GPHN: variants seen among roughly 807,000 people sequenced by gnomAD.
GPHN encodes the protein gephyrin.
In GPHN, 17 loss-of-function variants were observed where a neutral mutation model predicts 95.5. That is an observed-to-expected ratio of 0.18 (90% CI 0.12 to 0.27). The LOEUF is 0.27. Ranked by LOEUF, GPHN falls within the 10% of genes least tolerant of loss-of-function variation. GPHN has a pLI of 1.00. For synonymous variants in GPHN, 320 were observed against 322.5 expected (o/e 0.99, Z 0.08); for missense variants, 660 against 978.1 (o/e 0.67, Z 4.34).
chr14:67,530,557 C>T, the GPHN span, among the ~76,000 whole-genome samples: 1 of 152,200 alleles, frequency 6.6e-6, no homozygotes, highest in African/African-American at 2.4e-5. Flanking sequence ...GGTTAGTTAG[C>T]ATCTGAAGTG....
intron 2 of GPHN, among the ~76,000 whole-genome samples, chr14:66,682,627 G>A (rs1199199797): frequency 6.6e-6 from 1 of 152,136 alleles, no homozygotes; most frequent in Non-Finnish European, 1.5e-5. Flanking sequence ...GCATGTGCCT[G>A]TAGTCCCAGC....
chr14:67,526,107 C>T, the GPHN span, among the ~76,000 whole-genome samples: 10 of 152,318 alleles, frequency 6.6e-5, no homozygotes, highest in East Asian at 1.5e-3. Context: ...GTTCCTCTTC[C>T]GGACCTGGAC....
chr14:66,696,932 TAA>T (rs1435339701), intron 2 of GPHN, among the ~76,000 whole-genome samples: 1 of 152,230 alleles, frequency 6.6e-6, no homozygotes, highest in Admixed American at 6.5e-5. Flanking sequence ...GAAAAATATT[TAA>T]GTCACTTTTT....
At chr14:67,542,223 A>G in the GPHN span, among the ~76,000 whole-genome samples, 1 of 152,196 alleles carries the variant, frequency 6.6e-6, no homozygotes, top group African/African-American at 2.4e-5. Context: ...CATGCTGCCA[A>G]TCTTCTCGGT....
At chr14:66,739,571 T>C (rs1015664979) in intron 2 of GPHN, among the ~76,000 whole-genome samples, 2 of 151,594 alleles carry the variant, frequency 1.3e-5, no homozygotes, top group Non-Finnish European at 2.9e-5. Flanking sequence ...AAAAACACTT[T>C]AAGTGTATGA....
At chr14:67,359,689 T>G in the GPHN span, 1 of 1,614,016 alleles carries the variant, frequency 6.2e-7, no homozygotes, top group Non-Finnish European at 8.5e-7. Flanking sequence ...ATTCGGTCTT[T>G]GCCCGACATT....
At chr14:67,642,557 A>G in the GPHN span, among the ~76,000 whole-genome samples, 6 of 152,140 alleles carry the variant, frequency 3.9e-5, no homozygotes, top group African/African-American at 1.4e-4. Flanking sequence ...TTTTCTTTGT[A>G]TGACACATTG....
chr14:67,116,307 G>GA (rs1376966166), intron 16 of GPHN, among the ~76,000 whole-genome samples: 1 of 148,424 alleles, frequency 6.7e-6, no homozygotes, highest in Non-Finnish European at 1.5e-5. Context: ...AAGAAAGAAA[G>GA]AAAGAAAAAG....
intron 1 of GPHN, among the ~76,000 whole-genome samples, chr14:66,646,390 A>G (rs1043034749): frequency 5.3e-5 from 8 of 152,150 alleles, no homozygotes; most frequent in African/African-American, 1.9e-4. Context: ...AAAATGGTAC[A>G]TCCATTATGA....
At chr14:67,202,213 G>A in the GPHN span, among the ~76,000 whole-genome samples, 1 of 152,168 alleles carries the variant, frequency 6.6e-6, no homozygotes, top group Admixed American at 6.5e-5. Context: ...GGCTAAAGTG[G>A]GTGGATCACC....
At chr14:66,529,946 C>A (rs1016139698) in intron 1 of GPHN, among the ~76,000 whole-genome samples, 1 of 152,160 alleles carries the variant, frequency 6.6e-6, no homozygotes, top group Non-Finnish European at 1.5e-5. Flanking sequence ...CACTTGAGGC[C>A]GTCTGTCCCT....
the GPHN span, chr14:67,411,985 C>A: frequency 1.3e-6 from 2 of 1,524,324 alleles, no homozygotes; most frequent in South Asian, 1.2e-5. Flanking sequence ...GGGCCCCACC[C>A]GGGCAATGTC....
the GPHN span, chr14:67,386,513 AGTATT>A: frequency 1.3e-5 from 2 of 152,362 alleles, no homozygotes; most frequent in South Asian, 2.1e-4. Context: ...GTTCTTTAAA[AGTATT>A]GTATGATACA....
At chr14:67,338,521 C>T in the GPHN span, 1 of 1,315,014 alleles carries the variant, frequency 7.6e-7, no homozygotes, top group East Asian at 2.5e-5. Flanking sequence ...CAGTGAAATT[C>T]TTAGGCCAAA....
At chr14:66,997,168 C>T (rs1027347338) in intron 9 of GPHN, among the ~76,000 whole-genome samples, 1 of 152,008 alleles carries the variant, frequency 6.6e-6, no homozygotes. Context: ...GAGTTTGAGA[C>T]CAGCCTGGCC....
At chr14:66,561,711 T>G (rs553768083) in intron 1 of GPHN, among the ~76,000 whole-genome samples, 1 of 152,286 alleles carries the variant, frequency 6.6e-6, no homozygotes, top group East Asian at 1.9e-4. Context: ...AAACAAAAGT[T>G]ACTATACTTT....
chr14:66,701,483 G>T (rs1381571213), intron 2 of GPHN, among the ~76,000 whole-genome samples: 1 of 152,176 alleles, frequency 6.6e-6, no homozygotes, highest in East Asian at 1.9e-4. Flanking sequence ...TGTCTAATCA[G>T]AAATGACTAG....
At chr14:67,031,213 G>T (rs1170305213) in intron 10 of GPHN, among the ~76,000 whole-genome samples, 1 of 152,002 alleles carries the variant, frequency 6.6e-6, no homozygotes, top group East Asian at 1.9e-4. Context: ...AGGTCTTCTG[G>T]TTAGTTTTCT....
At chr14:67,214,642 G>A in the GPHN span, among the ~76,000 whole-genome samples, 62 of 151,956 alleles carry the variant, frequency 4.1e-4, no homozygotes, top group East Asian at 2.1e-3. Flanking sequence ...TTGACTTGGC[G>A]ATGCGGGCTC....
Sources: gnomAD v4.1 joint callset for allele counts (sites outside exome capture counted in the v4.1 genomes callset) on GRCh38, gnomAD v4.1.1 for gene constraint, MANE v1.5 for transcripts, NCBI Gene and HGNC (gene_info 2026-07-23, HGNC 2026-07-21) for gene names.